Variants in ATG7 observed in about 807,000 individuals in gnomAD.
The protein encoded by ATG7 is autophagy related 7.
In ATG7, 70 loss-of-function variants were observed where a neutral mutation model predicts 82.4. That is an observed-to-expected ratio of 0.85 (90% CI 0.70 to 1.04). The LOEUF (loss-of-function observed/expected upper bound fraction) is 1.04. Among genes scored for constraint, ATG7 ranks in the 50% least tolerant of loss-of-function variants. The pLI is 0.00. For missense variants in ATG7, 792 were observed against 864.3 expected, an observed-to-expected ratio of 0.92 and a Z score of 1.05; for synonymous variants, 287 against 313.0, an observed-to-expected ratio of 0.92 and a Z score of 0.88.
downstream of ATG7, chr3:11,559,185 C>T (rs1184768726): frequency 8.9e-6 from 12 of 1,346,838 alleles, no homozygotes; most frequent in East Asian, 2.5e-5. Context: ...CAACGCTAGG[C>T]GCACACTGGA....
At chr3:11,370,817 T>G (rs969738116) in intron 18 of ATG7, among the ~76,000 whole-genome samples, 4 of 151,260 alleles carry the variant, frequency 2.6e-5, no homozygotes, top group Admixed American at 6.6e-5. Flanking sequence ...TGATAGGTGT[T>G]AAGCCCTCTA....
At chr3:11,411,374 C>T (rs1422074420) in intron 19 of ATG7, among the ~76,000 whole-genome samples, 3 of 151,850 alleles carry the variant, frequency 2.0e-5, no homozygotes, top group South Asian at 2.1e-4. Context: ...GCCTGTAATC[C>T]CAGCACTTTG....
intron 20 of ATG7, among the ~76,000 whole-genome samples, chr3:11,469,375 G>C (rs1009614294): frequency 6.6e-5 from 10 of 152,028 alleles, no homozygotes; most frequent in Non-Finnish European, 1.2e-4. Flanking sequence ...CTTGAACCCG[G>C]GAGGTGGAGG....
At chr3:11,542,369 C>T (rs1200556317) in intron 20 of ATG7, among the ~76,000 whole-genome samples, 1 of 152,230 alleles carries the variant, frequency 6.6e-6, no homozygotes, top group African/African-American at 2.4e-5. Context: ...AGACCTAGAG[C>T]AGCCTGTCGC....
chr3:11,457,471 A>G (rs2085853902), intron 20 of ATG7, among the ~76,000 whole-genome samples: 1 of 152,164 alleles, frequency 6.6e-6, no homozygotes, highest in South Asian at 2.1e-4. Flanking sequence ...TTGGGGCATA[A>G]TTGATCTTTC....
chr3:11,426,425 C>T (rs1468619055), intron 19 of ATG7, among the ~76,000 whole-genome samples: 2 of 152,076 alleles, frequency 1.3e-5, no homozygotes, highest in South Asian at 2.1e-4. Flanking sequence ...TTGACAAAAT[C>T]CTTTTTCTCC....
chr3:11,414,653 A>G (rs2081214214), intron 19 of ATG7, among the ~76,000 whole-genome samples: 1 of 151,972 alleles, frequency 6.6e-6, no homozygotes, highest in African/African-American at 2.4e-5. Flanking sequence ...TCATGGAGAA[A>G]CTTCTGGTTT....
At chr3:11,404,125 ATTTTTT>A (rs10591303) in intron 19 of ATG7, among the ~76,000 whole-genome samples, 9 of 76,924 alleles carry the variant, frequency 1.2e-4, no homozygotes, top group South Asian at 5.2e-4. Context: ...AACCAGCTCA[ATTTTTT>A]TTTTTTTTTT....
At chr3:11,510,382 TA>T (rs369095431) in intron 20 of ATG7, 60,299 of 335,132 alleles carry the variant, frequency 0.18, 11 homozygotes, top group South Asian at 0.29. Context: ...TGCCCCAGTT[TA>T]AAAAAAAAAA....
intron 20 of ATG7, among the ~76,000 whole-genome samples, chr3:11,462,147 G>A (rs2086371609): frequency 1.3e-5 from 2 of 152,138 alleles, no homozygotes; most frequent in Non-Finnish European, 1.5e-5. Context: ...CTAACTGGAA[G>A]CCATTGCCTT....
intron 20 of ATG7, among the ~76,000 whole-genome samples, chr3:11,504,417 G>T (rs2091565513): frequency 6.6e-6 from 1 of 152,186 alleles, no homozygotes; most frequent in Non-Finnish European, 1.5e-5. Context: ...CTCCAGAAAA[G>T]TAAGAGTAAC....
At chr3:11,408,232 A>G (rs1324679512) in intron 19 of ATG7, among the ~76,000 whole-genome samples, 4 of 152,362 alleles carry the variant, frequency 2.6e-5, no homozygotes, top group Non-Finnish European at 4.4e-5. Context: ...TCTCTTTGCT[A>G]AAACATAGCA....
At chr3:11,527,744 T>A (rs930214323) in intron 20 of ATG7, among the ~76,000 whole-genome samples, 2 of 152,206 alleles carry the variant, frequency 1.3e-5, no homozygotes, top group Non-Finnish European at 2.9e-5. Context: ...TGGGTTATAG[T>A]TTAAAGAGGC....
At chr3:11,399,713 T>C (rs969116587) in intron 19 of ATG7, among the ~76,000 whole-genome samples, 5 of 152,152 alleles carry the variant, frequency 3.3e-5, no homozygotes, top group African/African-American at 4.8e-5. Context: ...TAGCCGGGAT[T>C]ATAGGCATAA....
chr3:11,429,350 G>T (rs1030571603), intron 20 of ATG7, among the ~76,000 whole-genome samples: 1 of 152,020 alleles, frequency 6.6e-6, no homozygotes, highest in African/African-American at 2.4e-5. Context: ...GCAAAAATTA[G>T]TCGGGCATGG....
chr3:11,398,548 G>C (rs1413957215), intron 19 of ATG7, among the ~76,000 whole-genome samples: 1 of 152,190 alleles, frequency 6.6e-6, no homozygotes, highest in Non-Finnish European at 1.5e-5. Context: ...ACCAAAATTT[G>C]TAGGATATGG....
chr3:11,312,881 C>T (rs187466338), intron 7 of ATG7, among the ~76,000 whole-genome samples: 148 of 152,294 alleles, frequency 9.7e-4, no homozygotes, highest in Non-Finnish European at 1.9e-3. Flanking sequence ...GAGTTCTGAT[C>T]TCTTCTCTGC....
chr3:11,514,514 C>A (rs1396669880), intron 20 of ATG7, among the ~76,000 whole-genome samples: 1 of 152,182 alleles, frequency 6.6e-6, no homozygotes, highest in South Asian at 2.1e-4. Flanking sequence ...ACCGCCCAGT[C>A]TTTTTACCCA....
chr3:11,534,082 C>T (rs536806495), intron 20 of ATG7, among the ~76,000 whole-genome samples: 3 of 152,366 alleles, frequency 2.0e-5, no homozygotes, highest in East Asian at 3.9e-4. Context: ...CCTCCTCCCC[C>T]CCCAGGGGAA....
Sources: allele counts gnomAD v4.1 joint callset (sites outside exome capture counted in the v4.1 genomes callset), GRCh38; gene constraint gnomAD v4.1.1; transcripts MANE v1.5; gene names NCBI Gene and HGNC (gene_info 2026-07-23, HGNC 2026-07-21).